Variants in GARNL3 observed in about 807,000 individuals in gnomAD.
GARNL3 encodes GTPase activating Rap/RanGAP domain like 3.
In GARNL3, 63 loss-of-function variants were observed where a neutral mutation model predicts 125.0. That is an observed-to-expected ratio of 0.50 (90% CI 0.41 to 0.62). GARNL3 has a LOEUF of 0.62. Among genes scored for constraint, GARNL3 ranks in the 20% least tolerant of loss-of-function variants. The pLI is 0.00. For synonymous variants in GARNL3, 439 were observed against 457.5 expected (o/e 0.96, Z 0.52); for missense variants, 994 against 1,244.0 (o/e 0.80, Z 3.02).
In GARNL3 at chr9:127,302,814, G is replaced by A. The variant is rs535838097; in HGVS notation, c.220-8822G>A. Among the ~76,000 whole-genome samples the A allele has an allele frequency of 3.3e-5, 5 of 152,326 alleles. No individual in the cohort carries two copies. The East Asian group carries it at 7.7e-4, about 23-fold the overall frequency. On this transcript the variant is annotated intron_variant, in intron 2 of 27. Coordinates refer to ENST00000373387, the MANE Select transcript of GARNL3 (RefSeq NM_032293.5). The stretch of plus-strand genomic sequence containing the variant: ...TGAATTTTTTAAAAGAAGAATCTAT[G>A]TAGTTGTTAAAAAGAACAAAATAGA...
At chr9:127,339,518 C>T (rs1423859307) in intron 12 of GARNL3, 127 bp from the exon 13 acceptor site, 1 of 674,002 alleles carries the variant, frequency 1.5e-6, no homozygotes, top group African/African-American at 1.8e-5. Flanking sequence ...GATTCAGTTA[C>T]CTCTCCCTGG....
chr9:127,374,548 C>T (rs1831786431), intron 22 of GARNL3, among the ~76,000 whole-genome samples: 1 of 151,990 alleles, frequency 6.6e-6, no homozygotes, highest in African/African-American at 2.4e-5. Context: ...CCTTGAAAAA[C>T]ACAAGCAAAT....
At chr9:127,229,166 G>A (rs556679169) in intron 1 of GARNL3, among the ~76,000 whole-genome samples, 9 of 152,178 alleles carry the variant, frequency 5.9e-5, no homozygotes, top group Non-Finnish European at 8.8e-5. Flanking sequence ...ACTTAAAACA[G>A]ATAAATGTTC....
chr9:127,292,975 A>G (rs2064469926), intron 2 of GARNL3, among the ~76,000 whole-genome samples: 1 of 152,236 alleles, frequency 6.6e-6, no homozygotes, highest in African/African-American at 2.4e-5. Flanking sequence ...TGTTCAAAAC[A>G]CAGTCCGTCT....
At chr9:127,350,065 A>G (rs1205212653) in intron 17 of GARNL3, among the ~76,000 whole-genome samples, 1 of 152,192 alleles carries the variant, frequency 6.6e-6, no homozygotes, top group East Asian at 1.9e-4. Flanking sequence ...GTGCTTCATA[A>G]TGGATCTATT....
At chr9:127,342,612 G>A (rs1469975880) in intron 14 of GARNL3, among the ~76,000 whole-genome samples, 1 of 152,160 alleles carries the variant, frequency 6.6e-6, no homozygotes, top group Non-Finnish European at 1.5e-5. Context: ...GTATCAATCA[G>A]CAATCTCTGG....
At chr9:127,274,794 C>G (rs989577267) in intron 1 of GARNL3, among the ~76,000 whole-genome samples, 2 of 152,188 alleles carry the variant, frequency 1.3e-5, no homozygotes, top group African/African-American at 4.8e-5. Context: ...AAACTGAACA[C>G]GCCACTTACC....
chr9:127,284,439 G>A (rs1422609459), intron 1 of GARNL3, among the ~76,000 whole-genome samples: 2 of 151,734 alleles, frequency 1.3e-5, no homozygotes, highest in Non-Finnish European at 2.9e-5. Flanking sequence ...GACTTGCCTT[G>A]GAGTATCTTG....
chr9:127,334,817 T>G (rs927674054), intron 9 of GARNL3, among the ~76,000 whole-genome samples: 2 of 152,228 alleles, frequency 1.3e-5, no homozygotes, highest in African/African-American at 4.8e-5. Context: ...CAAGTCGGCC[T>G]CATTGTAAAG....
chr9:127,321,847 G>C (rs75241205), intron 6 of GARNL3, among the ~76,000 whole-genome samples: 1 of 152,148 alleles, frequency 6.6e-6, no homozygotes, highest in African/African-American at 2.4e-5. Context: ...AGGGAGCATC[G>C]TGCTCAAATT....
chr9:127,344,513 T>G (rs1215881210), intron 15 of GARNL3, 174 bp downstream of exon 15: 1 of 607,358 alleles, frequency 1.6e-6, no homozygotes, highest in African/African-American at 1.9e-5. Context: ...TAGGTGCAGT[T>G]CTCTGCAGGC....
chr9:127,257,848 A>G (rs1458863855), intron 2 of GARNL3, among the ~76,000 whole-genome samples: 2 of 152,256 alleles, frequency 1.3e-5, no homozygotes, highest in Admixed American at 6.5e-5. Context: ...GTGGCCTGTT[A>G]TGAACCAGGA....
chr9:127,310,773 C>CAA (rs905120960), intron 2 of GARNL3, among the ~76,000 whole-genome samples: 1,802 of 74,708 alleles, frequency 0.024, 44 homozygotes, highest in East Asian at 0.12. Flanking sequence ...GACTCTGTCT[C>CAA]AAAAAAAAAA....
intron 2 of GARNL3, among the ~76,000 whole-genome samples, chr9:127,247,913 C>T (rs116167104): frequency 0.01 from 1,572 of 152,226 alleles, 31 homozygotes; most frequent in African/African-American, 0.036. Context: ...TAAAGCTTAC[C>T]ACTACCCCCT....
chr9:127,235,896 G>A (rs1167698886), intron 1 of GARNL3, among the ~76,000 whole-genome samples: 4 of 152,188 alleles, frequency 2.6e-5, no homozygotes, highest in African/African-American at 9.7e-5. Context: ...GGGAATGTGA[G>A]TTGAAAATTT....
At chr9:127,338,437 C>G (rs762293035) in intron 12 of GARNL3, among the ~76,000 whole-genome samples, 2 of 152,138 alleles carry the variant, frequency 1.3e-5, no homozygotes, top group Non-Finnish European at 2.9e-5. Context: ...TCATCCTTTC[C>G]TAGTCTACAT....
At chr9:127,227,374 A>G (rs1269325645) in intron 1 of GARNL3, among the ~76,000 whole-genome samples, 1 of 151,938 alleles carries the variant, frequency 6.6e-6, no homozygotes, top group African/African-American at 2.4e-5. Context: ...GCCGAGGCGG[A>G]TGGATCATTT....
intron 1 of GARNL3, among the ~76,000 whole-genome samples, chr9:127,269,560 C>T (rs1037677334): frequency 2.4e-4 from 36 of 152,160 alleles, no homozygotes; most frequent in Admixed American, 5.9e-4. Context: ...TCTATTTCTC[C>T]ACAATCTTGA....
intron 7 of GARNL3, among the ~76,000 whole-genome samples, chr9:127,330,475 C>A (rs1829161041): frequency 6.6e-6 from 1 of 152,146 alleles, no homozygotes; most frequent in East Asian, 1.9e-4. Flanking sequence ...TGCATACAGT[C>A]ACTTATGTCA....
Sources: gnomAD v4.1 joint callset for allele counts (sites outside exome capture counted in the v4.1 genomes callset) on GRCh38, gnomAD v4.1.1 for gene constraint, MANE v1.5 for transcripts, NCBI Gene and HGNC (gene_info 2026-07-23, HGNC 2026-07-21) for gene names.